Variants in ELL observed in about 807,000 individuals in gnomAD.
ELL encodes elongation factor for RNA polymerase II.
A neutral mutation model predicts 64.0 loss-of-function variants in ELL; 18 were observed. The observed-to-expected ratio is 0.28, with a 90% CI of 0.19 to 0.42. The LOEUF (loss-of-function observed/expected upper bound fraction) is 0.42. Among genes scored for constraint, ELL ranks in the 10% least tolerant of loss-of-function variants. The pLI is 1.00. For synonymous variants in ELL, 399 were observed against 376.2 expected (o/e 1.06, Z -0.70); for missense variants, 797 against 870.4 (o/e 0.92, Z 1.06).
At position 18,513,588 on chromosome 19, in the gene ELL, A is replaced by G. The variant is rs1031642538; in HGVS notation, c.135+8333T>C. ...TTGCAGGCTTTCTACCCTGAGTTAT[A>G]CTGCTTATATAGTAAAAAGGAAAAA... On this transcript the variant is annotated intron_variant, in intron 1 of 11. Transcript: ENST00000262809. Among the ~76,000 whole-genome samples, 25 of 152,166 alleles carry G rather than the reference A, an allele frequency of 1.6e-4. 1 individual carries two copies. The highest frequency in any genetic ancestry group is 6.0e-4 in the African/African-American group (25 of 41,528).
intron 1 of ELL, among the ~76,000 whole-genome samples, chr19:18,515,542 G>T (rs1976109046): frequency 6.6e-6 from 1 of 152,272 alleles, no homozygotes; most frequent in Non-Finnish European, 1.5e-5. Flanking sequence ...CCACGGGGAA[G>T]ATGGGATGAA....
chr19:18,521,968 G>A lies in ELL; in HGVS notation c.88C>T (p.Leu30Phe), dbSNP rs1976291836. 9.9e-6 allele frequency: 16 copies of A among 1,611,004 alleles called. No individual in the cohort carries two copies. In the East Asian group the frequency reaches 3.4e-4, roughly 34 times the overall value. ...GSKVSVFHVK[L>F]TDSALRAFES... is the part of the protein sequence containing the mutation. ...AAGGCCCTCAGGGCACTGTCGGTGAGCTTCACGTGGAACACCGACACCTTG... is the reference window on the plus strand; with the variant it reads ...AAGGCCCTCAGGGCACTGTCGGTGAACTTCACGTGGAACACCGACACCTTG... Residue 30 changes from leucine (L) to phenylalanine (F), a missense_variant, in exon 1 of 12, where the codon CTC becomes TTC. By Grantham distance (22) the Leu-to-Phe change is conservative (BLOSUM62 0). Coordinates refer to ENST00000262809, the MANE Select transcript of ELL (RefSeq NM_006532.4).
chr19:18,459,855 T>C (rs1392937138), intron 5 of ELL, among the ~76,000 whole-genome samples: 2 of 152,192 alleles, frequency 1.3e-5, no homozygotes, highest in East Asian at 1.9e-4. Flanking sequence ...AGTTGAGTAA[T>C]ATCCCACCCC....
intron 1 of ELL, among the ~76,000 whole-genome samples, chr19:18,477,220 C>G (rs1463321609): frequency 1.3e-5 from 2 of 152,150 alleles, no homozygotes; most frequent in Non-Finnish European, 2.9e-5. Context: ...CGGAATGAAA[C>G]GGCCACTAGG....
chr19:18,480,754 C>T (rs773309840), intron 1 of ELL, among the ~76,000 whole-genome samples: 5 of 152,176 alleles, frequency 3.3e-5, no homozygotes, highest in Admixed American at 6.5e-5. Flanking sequence ...CCTGCCTCAG[C>T]TCCCGAGTAG....
At chr19:18,506,940 G>T (rs1442451862) in intron 1 of ELL, among the ~76,000 whole-genome samples, 1 of 152,186 alleles carries the variant, frequency 6.6e-6, no homozygotes, top group Non-Finnish European at 1.5e-5. Flanking sequence ...TCTACAAGGA[G>T]CTGGCCTACA....
chr19:18,456,969 A>T (rs1329226172), intron 6 of ELL, among the ~76,000 whole-genome samples: 2 of 152,014 alleles, frequency 1.3e-5, no homozygotes, highest in African/African-American at 4.8e-5. Context: ...AGGAAAAAAA[A>T]AAAAAAACAG....
At chr19:18,467,727 A>C (rs1600454055) in intron 2 of ELL, among the ~76,000 whole-genome samples, 1 of 85,178 alleles carries the variant, frequency 1.2e-5, no homozygotes, top group African/African-American at 5.0e-5. Context: ...ACAACCACAC[A>C]ATCCCCACAC....
chr19:18,492,757 A>G (rs1975558118), intron 1 of ELL, among the ~76,000 whole-genome samples: 1 of 152,180 alleles, frequency 6.6e-6, no homozygotes, highest in Non-Finnish European at 1.5e-5. Context: ...CAAGTCAGAA[A>G]GCAGGGCTGG....
intron 7 of ELL, 152 bp from the exon 8 acceptor site, chr19:18,451,127 C>A: frequency 1.7e-6 from 2 of 1,154,968 alleles, no homozygotes; most frequent in Non-Finnish European, 2.3e-6. Context: ...GTCCCAGGTG[C>A]CGCTCAGGGT....
chr19:18,495,953 C>T (rs1465999405), intron 1 of ELL, among the ~76,000 whole-genome samples: 5 of 152,222 alleles, frequency 3.3e-5, no homozygotes. Context: ...CTGAAAGGGG[C>T]TAGCCTCCGT....
chr19:18,442,700 C>G lies in ELL; in HGVS notation c.*2052G>C, dbSNP rs1032861380. 3 of 191,834 alleles carry G rather than the reference C, an allele frequency of 1.6e-5. No individual in the cohort carries two copies. 11.9% of individuals were successfully genotyped at this position (191,834 alleles called of 1,614,324 possible). A position where few individuals can be genotyped will look rare whatever the true frequency, so the allele number is the denominator to read the frequency against. On this transcript the variant is annotated 3_prime_UTR_variant, in exon 12 of 12. Coordinates refer to ENST00000262809, the MANE Select transcript of ELL (RefSeq NM_006532.4). ...AAATTTATTGGAGAATGAAAAAAGTCAGCATTCACCTGTTTAGTGTACAAA... is the reference window on the plus strand; with the variant it reads ...AAATTTATTGGAGAATGAAAAAAGTGAGCATTCACCTGTTTAGTGTACAAA...
At chr19:18,456,743 C>T (rs1191648228) in intron 6 of ELL, among the ~76,000 whole-genome samples, 2 of 152,132 alleles carry the variant, frequency 1.3e-5, no homozygotes, top group African/African-American at 4.8e-5. Context: ...GAAACCACCC[C>T]CCAAAGCCAC....
Position 18,450,633 on chromosome 19 carries a change from T to G in ELL, c.1309A>C (p.Ser437Arg), listed in dbSNP as rs768028855. ...LPLLTDCAQPSRPHGSPSRSK... is the reference protein window; with the variant it reads ...LPLLTDCAQPRRPHGSPSRSK... ...CGCGAGGGGCTGCCGTGTGGCCTGC[T>G]GGGCTGGGCACAGTCCGTCAGCAGG... Residue 437 changes from serine (S) to arginine (R), a missense_variant, in exon 8 of 12, where the codon AGC becomes CGC. By Grantham distance (110) the Ser-to-Arg change is moderately radical. Coordinates refer to ENST00000262809, the MANE Select transcript of ELL (RefSeq NM_006532.4). The G allele has an allele frequency of 6.2e-7, 1 of 1,607,530 alleles. No homozygotes were observed.
chr19:18,444,943 C>A, intron 11 of ELL, 75 bp from the exon 12 acceptor site: 2 of 1,477,088 alleles, frequency 1.4e-6, no homozygotes, highest in Non-Finnish European at 1.8e-6. Flanking sequence ...GGCCAGTGTC[C>A]CCCCCAAACC....
rs563787509 is a variant in ELL, at chr19:18,505,508, A to G, written c.135+16413T>C. 1.1e-4 allele frequency among the ~76,000 whole-genome samples: 17 copies of G among 152,322 alleles called. No individual in the cohort carries two copies. The East Asian group carries it at 3.3e-3, about 29-fold the overall frequency. ...CACACACACACATGCTCTTCACCTCATCCAGAGTTTCCTAGGTTTTGGTGC... is the reference window on the plus strand; with the variant it reads ...CACACACACACATGCTCTTCACCTCGTCCAGAGTTTCCTAGGTTTTGGTGC... On this transcript the variant is annotated intron_variant, in intron 1 of 11. Coordinates refer to ENST00000262809, the MANE Select transcript of ELL (RefSeq NM_006532.4).
intron 4 of ELL, among the ~76,000 whole-genome samples, chr19:18,463,878 C>T (rs1407279080): frequency 6.6e-6 from 1 of 151,570 alleles, no homozygotes; most frequent in Admixed American, 6.6e-5. Context: ...CCCAGCTACT[C>T]GGGAGGCTGA....
chr19:18,450,660 G>A lies in ELL; in HGVS notation c.1282C>T (p.Pro428Ser), dbSNP rs941620827. ...APAPTVRLGLPLLTDCAQPSR... is the reference protein window; with the variant it reads ...APAPTVRLGLSLLTDCAQPSR... ...GGCTGGGCACAGTCCGTCAGCAGGG[G>A]CAGGCCGAGGCGCACAGTGGGGGCT... The change falls in exon 8 of 12, where the codon CCC (proline) becomes TCC (serine). Residue 428 changes from proline (P) to serine (S), a missense_variant. Physicochemically the swap from Pro to Ser is moderately conservative, Grantham distance 74 (BLOSUM62 -1). Coordinates refer to ENST00000262809, the MANE Select transcript of ELL (RefSeq NM_006532.4). The A allele has an allele frequency of 5.0e-6, 8 of 1,591,860 alleles. No individual in the cohort carries two copies. Among genetic ancestry groups the A allele is most frequent in the Non-Finnish European group, 6.8e-6 (8 of 1,169,994 alleles).
intron 6 of ELL, 87 bp downstream of exon 6, chr19:18,458,118 A>G: frequency 2.6e-6 from 4 of 1,567,972 alleles, no homozygotes; most frequent in Non-Finnish European, 3.4e-6. Flanking sequence ...CTTCAGGACC[A>G]CACAAGACCA....
Sources: gnomAD v4.1 joint callset for allele counts (sites outside exome capture counted in the v4.1 genomes callset) on GRCh38, gnomAD v4.1.1 for gene constraint, MANE v1.5 for transcripts, NCBI Gene and HGNC (gene_info 2026-07-23, HGNC 2026-07-21) for gene names.